The following POFUT2 variants were observed in gnomAD, a reference collection of about 807,000 sequenced individuals.
The protein encoded by POFUT2 is protein O-fucosyltransferase 2, also known as GDP-fucose protein O-fucosyltransferase 2.
POFUT2 carries 30 observed loss-of-function variants against 55.0 expected under a neutral mutation model. The observed-to-expected ratio is 0.55, with a 90% CI of 0.41 to 0.74. The LOEUF (loss-of-function observed/expected upper bound fraction) is 0.74. Among genes scored for constraint, POFUT2 ranks in the 30% least tolerant of loss-of-function variants. The pLI is 0.00. For missense variants in POFUT2, 524 were observed against 562.6 expected, an observed-to-expected ratio of 0.93 and a Z score of 0.69; for synonymous variants, 267 against 231.1, an observed-to-expected ratio of 1.16 and a Z score of -1.41.
chr21:45,267,615 C>T lies in POFUT2; in HGVS notation c.1111G>A (p.Asp371Asn), dbSNP rs755163640. The change falls in exon 8 of 9, where the codon GAC becomes AAC. Residue 371 changes from aspartate to asparagine, a missense_variant. Coordinates refer to ENST00000349485, the MANE Select transcript of POFUT2 (RefSeq NM_133635.6). This position sits in a 1 kb window ranked among gnomAD's most constrained non-coding sequence, Gnocchi z 4.4. ...CTGGCGTGTGCGCAGATCCACTGGT[C>T]AATAATCGCAACGCCTCCGTCCTTG... ...LYKDGGVAII[D>N]QWICAHARFF... is the part of the protein sequence containing the mutation. 4.3e-6 allele frequency: 7 copies of T among 1,614,088 alleles called. No homozygotes were observed. In the Admixed American group the frequency reaches 5.0e-5, roughly 12 times the overall value.
At position 45,283,310 on chromosome 21, in the gene POFUT2, G is replaced by C. The variant is rs1436264770; in HGVS notation, c.527+73C>G. 1.6e-5 allele frequency: 7 copies of C among 437,650 alleles called. No individual in the cohort carries two copies. In the Admixed American group the frequency reaches 1.6e-4, roughly 10 times the overall value. 27.1% of individuals were successfully genotyped at this position (437,650 alleles called of 1,614,324 possible). ...GAGTGGGCGGGGGGCGCCTGAGGCG[G>C]GGGGGGGGGGACGCATGCGGCAGGG... On this transcript the variant is annotated intron_variant, in intron 3 of 8. Coordinates refer to ENST00000349485, the MANE Select transcript of POFUT2 (RefSeq NM_133635.6).
intron 6 of POFUT2, among the ~76,000 whole-genome samples, chr21:45,273,028 C>A (rs4819050): frequency 0.37 from 55,497 of 151,548 alleles, 10,294 homozygotes; most frequent in South Asian, 0.54. Context: ...AGAAGAAAAC[C>A]ACCAAGATGA....
Position 45,285,544 on chromosome 21 carries a change from G to A in POFUT2, c.382+134C>T. ...GAGGAGGTGCTGCCACAGGCCTCAG[G>A]CAGCAGCACTGGGCACTGGAGGATG... On this transcript the variant is annotated intron_variant, in intron 2 of 8. Coordinates refer to ENST00000349485, the MANE Select transcript of POFUT2 (RefSeq NM_133635.6). The surrounding 1 kb of genome is among the most constrained non-coding windows in gnomAD (Gnocchi z 4.9). The A allele has an allele frequency of 9.5e-7, 1 of 1,052,952 alleles. No homozygotes were observed. Among genetic ancestry groups the A allele is most frequent in the Non-Finnish European group, 1.4e-6 (1 of 694,798 alleles). 65.2% of individuals were successfully genotyped at this position (1,052,952 alleles called of 1,614,324 possible).
At position 45,277,733 on chromosome 21, in the gene POFUT2, C is replaced by T. The variant is rs552467715; in HGVS notation, c.705+370G>A. ...CCATCAATGCGGAAATCAACGCCAA[C>T]GGAAAAGACCCGCTGCAGAGAATAG... On this transcript the variant is annotated intron_variant, in intron 5 of 8. Transcript: ENST00000349485. This position sits in a 1 kb window ranked among gnomAD's most constrained non-coding sequence, Gnocchi z 6.9. 2.2e-4 allele frequency: 58 copies of T among 259,456 alleles called. No homozygotes were observed. The highest frequency in any genetic ancestry group is 7.5e-5 in the Non-Finnish European group (10 of 133,918). 16.1% of individuals were successfully genotyped at this position (259,456 alleles called of 1,614,324 possible).
At chr21:45,271,039 AG>A (rs1354253304) in intron 6 of POFUT2, among the ~76,000 whole-genome samples, 1 of 152,208 alleles carries the variant, frequency 6.6e-6, no homozygotes, top group East Asian at 1.9e-4. Context: ...GATCCAAACC[AG>A]GAAGAAATCT....
chr21:45,270,548 C>G lies in POFUT2; in HGVS notation c.832-529G>C, dbSNP rs533844115. ...CAACCTCCTGGCTGTCCACAGGTCC[C>G]GAGTCTGTCCACGTGACAACTTCAC... On this transcript the variant is annotated intron_variant, in intron 6 of 8. Coordinates refer to ENST00000349485, the MANE Select transcript of POFUT2 (RefSeq NM_133635.6). This position sits in a 1 kb window ranked among gnomAD's most constrained non-coding sequence, Gnocchi z 4.6. Among the ~76,000 whole-genome samples, 294 of 152,334 alleles carry G rather than the reference C, an allele frequency of 1.9e-3. 1 individual carries two copies. Among genetic ancestry groups the G allele is most frequent in the African/African-American group, 6.8e-3 (281 of 41,576 alleles).
chr21:45,282,066 C>CCCCAG lies in POFUT2; in HGVS notation c.638+278_638+282dup, dbSNP rs2030718580. On this transcript the variant is annotated intron_variant, in intron 4 of 8. Transcript: ENST00000349485. The surrounding 1 kb of genome is among the most constrained non-coding windows in gnomAD (Gnocchi z 4.6). ...AGTCTCATGGTGAGCTCCCCGCCGC[C>CCCCAG]CCCAGCCCAGCTCAGCCCCTCCCTG... 6.6e-6 allele frequency among the ~76,000 whole-genome samples: 1 copy of CCCCAG among 152,208 alleles called. No individual in the cohort carries two copies. Among genetic ancestry groups the CCCCAG allele is most frequent in the South Asian group, 2.1e-4 (1 of 4,834 alleles).
At position 45,284,063 on chromosome 21, in the gene POFUT2, C is replaced by T. The variant is rs1044272523; in HGVS notation, c.383-536G>A. On this transcript the variant is annotated intron_variant, in intron 2 of 8. Coordinates refer to ENST00000349485, the MANE Select transcript of POFUT2 (RefSeq NM_133635.6). This position sits in a 1 kb window ranked among gnomAD's most constrained non-coding sequence, Gnocchi z 5.8. ...CCGCACCAAGAAGGTGGCACTGTGA[C>T]GCCCAAGAGGTCAGCAATTAAGATC... 3.9e-5 allele frequency among the ~76,000 whole-genome samples: 6 copies of T among 152,206 alleles called. No homozygotes were observed. Among genetic ancestry groups the T allele is most frequent in the Non-Finnish European group, 8.8e-5 (6 of 68,032 alleles).
At chr21:45,268,578 G>A (rs566217758) in intron 7 of POFUT2, among the ~76,000 whole-genome samples, 1 of 150,734 alleles carries the variant, frequency 6.6e-6, no homozygotes, top group Admixed American at 6.6e-5. Context: ...AGGAAGTGAG[G>A]AGCGTCTCTG....
intron 6 of POFUT2, among the ~76,000 whole-genome samples, chr21:45,271,124 C>A (rs1240919973): frequency 6.6e-6 from 1 of 151,226 alleles, no homozygotes; most frequent in African/African-American, 2.4e-5. Flanking sequence ...AAGGTGAAAA[C>A]CAACTTAAAG....
In POFUT2 at chr21:45,265,501, T is replaced by C. The variant is rs1411326081; in HGVS notation, c.1271A>G (p.His424Arg). The C allele has an allele frequency of 6.2e-7, 1 of 1,613,260 alleles. No homozygotes were observed. The highest frequency in any genetic ancestry group is 1.3e-5 in the African/African-American group (1 of 74,868). ...DQEKACEQPT[H>R]WKITY Reference sequence around the variant, plus strand: ...TCCTCCTCAGTAGGTGATCTTCCAGTGGGTGGGTTGCTCACACGCCTTCTC... The same window carrying C: ...TCCTCCTCAGTAGGTGATCTTCCAGCGGGTGGGTTGCTCACACGCCTTCTC... Residue 424 changes from histidine (H) to arginine (R), a missense_variant, in exon 9 of 9, where the codon CAC becomes CGC. Physicochemically the swap from His to Arg is conservative, Grantham distance 29. Around this residue, in one of 2 missense-constraint regions of POFUT2, gnomAD observed 250 missense variants for 318.2 expected, o/e 0.79. Transcript: ENST00000349485. The surrounding 1 kb of genome is among the most constrained non-coding windows in gnomAD (Gnocchi z 4.6).
At chr21:45,269,336 G>A (rs2093195835) in intron 7 of POFUT2, among the ~76,000 whole-genome samples, 2 of 152,204 alleles carry the variant, frequency 1.3e-5, no homozygotes, top group Admixed American at 6.5e-5. Flanking sequence ...GCGGCTTTGT[G>A]GAATAGAAAG....
Position 45,282,277 on chromosome 21 carries a change from G to C in POFUT2, c.638+72C>G. On this transcript the variant is annotated intron_variant, in intron 4 of 8. Coordinates refer to ENST00000349485, the MANE Select transcript of POFUT2 (RefSeq NM_133635.6). This position sits in a 1 kb window ranked among gnomAD's most constrained non-coding sequence, Gnocchi z 4.6. The stretch of plus-strand genomic sequence containing the variant: ...AGGGATGCGGGAGTATGGGCGGAGA[G>C]CCCCCAGCCCAGCATGCACGGAGCA... 2.0e-6 allele frequency: 2 copies of C among 987,054 alleles called. No homozygotes were observed. Among genetic ancestry groups the C allele is most frequent in the Non-Finnish European group, 1.6e-6 (1 of 627,560 alleles). The allele number at this position is 987,054 out of a possible 1,614,324, so 61.1% of individuals were successfully genotyped here. A position where few individuals can be genotyped will look rare whatever the true frequency, so the allele number is the denominator to read the frequency against.
At position 45,278,175 on chromosome 21, in the gene POFUT2, T is replaced by TTTAAACAAC; in HGVS notation, c.639-15_639-7dup. 6.2e-7 allele frequency: 1 copy of TTTAAACAAC among 1,608,696 alleles called. No individual in the cohort carries two copies. Among genetic ancestry groups the TTTAAACAAC allele is most frequent in the South Asian group, 1.1e-5 (1 of 90,976 alleles). On this transcript the variant is annotated splice_polypyrimidine_tract_variant and splice_region_variant and intron_variant, in intron 4 of 8. Transcript: ENST00000349485. The stretch of plus-strand genomic sequence containing the variant: ...CTCTGTCTAACATCACGGACCTGTT[T>TTTAAACAAC]TTAAACAACAGAAGAATAAACAGTT...
chr21:45,275,412 C>G (rs938532149), intron 6 of POFUT2, among the ~76,000 whole-genome samples: 2 of 152,242 alleles, frequency 1.3e-5, no homozygotes, highest in South Asian at 4.1e-4. Context: ...AGCAATCCCA[C>G]TGCTGGGTAT....
chr21:45,280,174 C>T (rs968572984), intron 4 of POFUT2, among the ~76,000 whole-genome samples: 7 of 152,256 alleles, frequency 4.6e-5, no homozygotes, highest in African/African-American at 1.7e-4. Context: ...GAAAGCGCTT[C>T]ACACACTTGC....
At position 45,267,600 on chromosome 21, in the gene POFUT2, C is replaced by T. The variant is rs760928900; in HGVS notation, c.1126G>A (p.Ala376Thr). The change falls in exon 8 of 9, where the codon GCA becomes ACA. Residue 376 changes from alanine to threonine, a missense_variant. By Grantham distance (58) the Ala-to-Thr change is moderately conservative. Coordinates refer to ENST00000349485, the MANE Select transcript of POFUT2 (RefSeq NM_133635.6). The surrounding 1 kb of genome is among the most constrained non-coding windows in gnomAD (Gnocchi z 4.4). The stretch of plus-strand genomic sequence containing the variant: ...GACGTGGGCAGGCACCTGGCGTGTG[C>T]GCAGATCCACTGGTCAATAATCGCA... ...GVAIIDQWIC[A>T]HARFFIGTSV... is the part of the protein sequence containing the mutation. 9.3e-6 allele frequency: 15 copies of T among 1,614,078 alleles called. No individual in the cohort carries two copies. Among genetic ancestry groups the T allele is most frequent in the African/African-American group, 1.3e-5 (1 of 74,940 alleles).
chr21:45,274,985 G>A (rs11911354), intron 6 of POFUT2, among the ~76,000 whole-genome samples: 2,379 of 152,114 alleles, frequency 0.016, 65 homozygotes, highest in African/African-American at 0.054. Context: ...AACAATCAGC[G>A]AACAGCTCCC....
At position 45,282,271 on chromosome 21, in the gene POFUT2, C is replaced by A; in HGVS notation, c.638+78G>T. 1 of 946,494 alleles carries A rather than the reference C, an allele frequency of 1.1e-6. No individual in the cohort carries two copies. The allele number at this position is 946,494 out of a possible 1,614,324, so 58.6% of individuals were successfully genotyped here. On this transcript the variant is annotated intron_variant, in intron 4 of 8. Transcript: ENST00000349485. The surrounding 1 kb of genome is among the most constrained non-coding windows in gnomAD (Gnocchi z 4.6). ...TGGGCCAGGGATGCGGGAGTATGGG[C>A]GGAGAGCCCCCAGCCCAGCATGCAC...
Sources: gnomAD v4.1 joint callset for allele counts (sites outside exome capture counted in the v4.1 genomes callset) on GRCh38, gnomAD v4.1.1 for gene constraint, gnomAD v4.1.1 regional missense constraint, Gnocchi (gnomAD v3.1) non-coding constraint, MANE v1.5 for transcripts, NCBI Gene and HGNC (gene_info 2026-07-23, HGNC 2026-07-21) for gene names.